The following ABCG5 variants were observed in gnomAD, a reference collection of about 807,000 sequenced individuals.
The protein encoded by ABCG5 is ATP binding cassette subfamily G member 5, also known as ATP-binding cassette sub-family G member 5.
Under a neutral mutation model 64.5 loss-of-function variants are expected in ABCG5, and 64 were observed. The observed-to-expected ratio is 0.99, with a 90% CI of 0.81 to 1.22. The LOEUF is 1.22. ABCG5 is among the 50% of genes most tolerant of loss of function. The probability of loss-of-function intolerance (pLI) is 0.00; values close to 1 mark genes in which losing one functional copy is unlikely to be tolerated. For missense variants in ABCG5, 908 were observed against 829.5 expected (o/e 1.09, Z -1.16); for synonymous variants, 385 against 326.3 (o/e 1.18, Z -1.94).
At chr2:43,835,267 T>C (rs906843777) in intron 2 of ABCG5, among the ~76,000 whole-genome samples, 3 of 82,078 alleles carry the variant, frequency 3.7e-5, no homozygotes, top group Non-Finnish European at 7.8e-5. Context: ...CTTCTGAGCA[T>C]TGGCCTTTGG....
At position 43,824,751 on chromosome 2, in the gene ABCG5, A is replaced by T. The variant is rs72873579; in HGVS notation, c.904+138T>A. The T allele has an allele frequency of 8.6e-3, 12,632 of 1,463,248 alleles. 926 individuals are homozygous for T. The African/African-American group carries it at 0.16, about 18-fold the overall frequency. The allele number at this position is 1,463,248 out of a possible 1,614,324, so 90.6% of individuals were successfully genotyped here. Reference sequence around the variant, plus strand: ...TCTGGCAAGTTCATTGACCCGGCCAAATTGATTCCTTGAAGAGTATAAAAC... The same window carrying T: ...TCTGGCAAGTTCATTGACCCGGCCATATTGATTCCTTGAAGAGTATAAAAC... On this transcript the variant is annotated intron_variant, in intron 7 of 12. Coordinates refer to ENST00000405322, the MANE Select transcript of ABCG5 (RefSeq NM_022436.3).
intron 4 of ABCG5, chr2:43,828,348 C>G (rs1344117622): frequency 1.7e-6 from 1 of 578,150 alleles, no homozygotes; most frequent in South Asian, 1.9e-5. Context: ...TTAAAACGTC[C>G]CCAGAGGCTG....
At chr2:43,827,862 T>C (rs2104841296) in intron 5 of ABCG5, 121 bp downstream of exon 5, 7 of 1,473,714 alleles carry the variant, frequency 4.7e-6, no homozygotes, top group Middle Eastern at 2.1e-4. Flanking sequence ...GAAAAACCTG[T>C]GATTTCAGTT....
chr2:43,828,378 G>A (rs766799831), intron 4 of ABCG5: 17 of 465,604 alleles, frequency 3.7e-5, no homozygotes, highest in African/African-American at 1.7e-4. Flanking sequence ...GCTCATGCCT[G>A]TAATCCCAAT....
At chr2:43,837,786 G>A (rs573761208) in intron 2 of ABCG5, 48 bp downstream of exon 2, 1 of 1,611,818 alleles carries the variant, frequency 6.2e-7, no homozygotes, top group South Asian at 1.1e-5. Context: ...TCAATGTGGA[G>A]TTTAACTCAA....
chr2:43,838,348 A>C lies in ABCG5; in HGVS notation c.143+189T>G. 1.6e-6 allele frequency: 1 copy of C among 631,914 alleles called. No individual in the cohort carries two copies. The highest frequency in any genetic ancestry group is 2.7e-6 in the Non-Finnish European group (1 of 367,010). The allele number at this position is 631,914 out of a possible 1,614,324, so 39.1% of individuals were successfully genotyped here. ...CCCAGGCCCTTCCCTGGGCAGGGGG[A>C]GGGGCCATTCACTGTCGCTCCATGT... On this transcript the variant is annotated intron_variant, in intron 1 of 12. Transcript: ENST00000405322. The surrounding 1 kb of genome is among the most constrained non-coding windows in gnomAD (Gnocchi z 4.2).
intron 2 of ABCG5, among the ~76,000 whole-genome samples, chr2:43,837,033 A>G (rs1048804497): frequency 3.3e-4 from 48 of 147,192 alleles, no homozygotes; most frequent in Non-Finnish European, 5.5e-4. Flanking sequence ...TGTCTCAAAA[A>G]AGAAAAAAAA....
At chr2:43,831,575 T>C (rs1667948108) in intron 4 of ABCG5, among the ~76,000 whole-genome samples, 194 bp downstream of exon 4, 1 of 152,198 alleles carries the variant, frequency 6.6e-6, no homozygotes, top group South Asian at 2.1e-4. Flanking sequence ...TCTGGACTAG[T>C]GACATTTCAA....
intron 11 of ABCG5, among the ~76,000 whole-genome samples, 184 bp downstream of exon 11, chr2:43,819,731 T>C (rs1406365417): frequency 6.6e-6 from 1 of 152,230 alleles, no homozygotes; most frequent in Non-Finnish European, 1.5e-5. Context: ...AAAGACATTT[T>C]ATTGAACAAA....
At chr2:43,810,157 C>G (rs1017222195), downstream of ABCG5, 1 of 365,538 alleles carries the variant, frequency 2.7e-6, no homozygotes, top group African/African-American at 2.2e-5. Flanking sequence ...AAGGCATTCT[C>G]AGCTGTAGCT....
chr2:43,818,872 A>T (rs1379282588), intron 11 of ABCG5, among the ~76,000 whole-genome samples: 1 of 152,062 alleles, frequency 6.6e-6, no homozygotes, highest in Non-Finnish European at 1.5e-5. Flanking sequence ...TGAAATAGTG[A>T]TCTCTTTTTT....
chr2:43,812,999 T>G lies in ABCG5; in HGVS notation c.*117A>C. 1.4e-6 allele frequency: 1 copy of G among 710,664 alleles called. No homozygotes were observed. Among genetic ancestry groups the G allele is most frequent in the Non-Finnish European group, 2.6e-6 (1 of 383,182 alleles). The allele number at this position is 710,664 out of a possible 1,614,324, so 44.0% of individuals were successfully genotyped here. A position where few individuals can be genotyped will look rare whatever the true frequency, so the allele number is the denominator to read the frequency against. The stretch of plus-strand genomic sequence containing the variant: ...AGAGGCACAAATGGAGTCTTAATGG[T>G]TAAAAGACTTGAGATGTCCTGTCAA... On this transcript the variant is annotated 3_prime_UTR_variant, in exon 13 of 13. Transcript: ENST00000405322.
chr2:43,806,819 T>A, the ABCG5 span, among the ~76,000 whole-genome samples: 30 of 152,302 alleles, frequency 2.0e-4, no homozygotes, highest in South Asian at 1.7e-3. Flanking sequence ...AGCCCCACAG[T>A]ACCCATATCA....
rs1014715108 is a variant in ABCG5 at position 43,824,350 on chromosome 2, G to T, written c.987C>A (p.Tyr329Ter). Residue 329 changes from tyrosine (Y) to a stop codon, truncating the protein, a stop_gained, in exon 8 of 13, where the codon TAC becomes TAA. Transcript: ENST00000405322. LOFTEE classifies it high-confidence loss of function. ...SKRVQMIESA[Y>*]KKSAICHKTL... ...TTTTATGACAAATTGCTGATTTCTT[G>T]TAGGCAGATTCTATCATCTGGACTC... 3.1e-6 allele frequency: 5 copies of T among 1,614,108 alleles called. No individual in the cohort carries two copies. Among genetic ancestry groups the T allele is most frequent in the Admixed American group, 1.7e-5 (1 of 60,004 alleles).
chr2:43,814,812 A>C (rs1002557635), intron 11 of ABCG5, among the ~76,000 whole-genome samples: 1 of 152,240 alleles, frequency 6.6e-6, no homozygotes, highest in Non-Finnish European at 1.5e-5. Context: ...TAATATATAT[A>C]ACATGTGTGT....
chr2:43,826,201 T>G (rs1307263463), intron 6 of ABCG5, among the ~76,000 whole-genome samples, 181 bp downstream of exon 6: 1 of 151,360 alleles, frequency 6.6e-6, no homozygotes, highest in East Asian at 1.9e-4. Flanking sequence ...AGTCTCACTT[T>G]ATTGCTCAGG....
chr2:43,811,839 C>T, downstream of ABCG5, among the ~76,000 whole-genome samples: 1 of 152,116 alleles, frequency 6.6e-6, no homozygotes, highest in Non-Finnish European at 1.5e-5. Flanking sequence ...CGTGATCCAC[C>T]CGCCTCGGCC....
chr2:43,816,701 A>C (rs7608721), intron 11 of ABCG5, among the ~76,000 whole-genome samples: 2,980 of 152,258 alleles, frequency 0.02, 106 homozygotes, highest in African/African-American at 0.065. Flanking sequence ...GTGACACCAC[A>C]CCCACCTAAT....
intron 11 of ABCG5, 43 bp downstream of exon 11, chr2:43,819,872 A>T (rs1466189964): frequency 2.5e-6 from 4 of 1,598,060 alleles, no homozygotes; most frequent in Non-Finnish European, 3.4e-6. Flanking sequence ...ATCATTAATA[A>T]CAGATTATCC....
Sources: allele counts gnomAD v4.1 joint callset (sites outside exome capture counted in the v4.1 genomes callset), GRCh38; gene constraint gnomAD v4.1.1; non-coding constraint Gnocchi (gnomAD v3.1); transcripts MANE v1.5; gene names NCBI Gene and HGNC (gene_info 2026-07-23, HGNC 2026-07-21).